The following DYNC1I1 variants were observed in gnomAD, a reference collection of about 807,000 sequenced individuals.
DYNC1I1 encodes dynein cytoplasmic 1 intermediate chain 1.
Under a neutral mutation model 86.6 loss-of-function variants are expected in DYNC1I1, and 43 were observed. The ratio of observed to expected loss-of-function variants is 0.50; its 90% CI spans 0.39 to 0.64. The LOEUF is 0.64. Among genes scored for constraint, DYNC1I1 ranks in the 30% least tolerant of loss-of-function variants. DYNC1I1 has a pLI of 0.00. For synonymous variants in DYNC1I1, 262 were observed against 283.7 expected, an observed-to-expected ratio of 0.92 and a Z score of 0.77; for missense variants, 604 against 788.8, an observed-to-expected ratio of 0.77 and a Z score of 2.81.
Position 95,777,842 on chromosome 7 carries a change from A to AT in DYNC1I1, c.-10+5078dup, listed in dbSNP as rs201410447. ...TGCTTTAACTCAGTGCTCTTCCAAC[A>AT]TTTTTTTTTCTCTTTTATAATCCCT... On this transcript the variant is annotated intron_variant, in intron 1 of 16. Coordinates refer to ENST00000447467, the MANE Select transcript of DYNC1I1 (RefSeq NM_001135556.2). Among the ~76,000 whole-genome samples the AT allele has an allele frequency of 2.1e-3, 312 of 151,436 alleles. 8 individuals are homozygous for AT. In the East Asian group the frequency reaches 0.05, roughly 24 times the overall value.
intron 7 of DYNC1I1, among the ~76,000 whole-genome samples, chr7:95,984,487 G>T (rs949877262): frequency 5.3e-5 from 8 of 151,780 alleles, no homozygotes; most frequent in African/African-American, 1.9e-4. Context: ...TATCTATTAT[G>T]CCATATTTAA....
At chr7:95,960,518 C>A (rs201770868) in intron 6 of DYNC1I1, among the ~76,000 whole-genome samples, 1 of 152,206 alleles carries the variant, frequency 6.6e-6, no homozygotes, top group East Asian at 1.9e-4. Flanking sequence ...GCCAGAAAGA[C>A]CCACCAGCCT....
intron 14 of DYNC1I1, among the ~76,000 whole-genome samples, chr7:96,062,558 A>G (rs1304685514): frequency 6.6e-6 from 1 of 152,142 alleles, no homozygotes; most frequent in Non-Finnish European, 1.5e-5. Context: ...GCAATCAGAC[A>G]TATTCTTCTG....
At chr7:95,883,166 G>A (rs754865112) in intron 6 of DYNC1I1, among the ~76,000 whole-genome samples, 39 of 152,120 alleles carry the variant, frequency 2.6e-4, no homozygotes, top group Non-Finnish European at 5.4e-4. Flanking sequence ...CATGGTTTGA[G>A]GCTGGTAACA....
intron 1 of DYNC1I1, among the ~76,000 whole-genome samples, chr7:95,783,391 G>A (rs1271963255): frequency 6.6e-6 from 1 of 152,222 alleles, no homozygotes; most frequent in Non-Finnish European, 1.5e-5. Context: ...TGCCAGCCAT[G>A]AGTGAGACTG....
intron 5 of DYNC1I1, among the ~76,000 whole-genome samples, chr7:95,840,574 A>G (rs1183033950): frequency 6.6e-6 from 1 of 152,054 alleles, no homozygotes; most frequent in African/African-American, 2.4e-5. Context: ...GTTTCTGAAG[A>G]TTTATCTTGT....
At chr7:95,849,090 A>G (rs992059917) in intron 5 of DYNC1I1, among the ~76,000 whole-genome samples, 2 of 151,462 alleles carry the variant, frequency 1.3e-5, no homozygotes, top group Non-Finnish European at 3.0e-5. Context: ...TTTTCTTGCT[A>G]TTAAATTGAG....
At chr7:96,019,905 A>T (rs980244955) in intron 10 of DYNC1I1, among the ~76,000 whole-genome samples, 1 of 152,090 alleles carries the variant, frequency 6.6e-6, no homozygotes, top group African/African-American at 2.4e-5. Context: ...CTAATTCTAT[A>T]TGGGAATATA....
intron 6 of DYNC1I1, among the ~76,000 whole-genome samples, chr7:95,888,565 G>A (rs1215001924): frequency 2.0e-5 from 3 of 152,228 alleles, no homozygotes; most frequent in East Asian, 3.9e-4. Flanking sequence ...ACAGAGAAAA[G>A]TGCTCATATG....
At chr7:95,833,242 C>T (rs1251428818) in intron 5 of DYNC1I1, among the ~76,000 whole-genome samples, 1 of 139,928 alleles carries the variant, frequency 7.1e-6, no homozygotes, top group African/African-American at 2.7e-5. Flanking sequence ...TTCCCCATTG[C>T]TTGTTTTTCT....
intron 9 of DYNC1I1, among the ~76,000 whole-genome samples, chr7:95,995,030 G>C (rs955169759): frequency 6.6e-6 from 1 of 152,000 alleles, no homozygotes; most frequent in African/African-American, 2.4e-5. Flanking sequence ...GGTGGATCAC[G>C]AGGTCAGGAG....
intron 6 of DYNC1I1, among the ~76,000 whole-genome samples, chr7:95,916,819 G>T (rs1266867667): frequency 1.3e-5 from 2 of 152,178 alleles, no homozygotes; most frequent in African/African-American, 2.4e-5. Context: ...CCTGATTTCA[G>T]CACTTTCAAA....
intron 10 of DYNC1I1, among the ~76,000 whole-genome samples, chr7:96,022,726 G>A (rs1584257368): frequency 6.6e-6 from 1 of 151,956 alleles, no homozygotes; most frequent in South Asian, 2.1e-4. Flanking sequence ...TTACCTCGGT[G>A]TGGTTGCATG....
At chr7:95,914,918 C>T (rs1791429032) in intron 6 of DYNC1I1, among the ~76,000 whole-genome samples, 1 of 152,120 alleles carries the variant, frequency 6.6e-6, no homozygotes, top group Admixed American at 6.5e-5. Flanking sequence ...TCATGTACTT[C>T]TCTTAAATGG....
intron 7 of DYNC1I1, among the ~76,000 whole-genome samples, chr7:95,981,658 T>C (rs748607279): frequency 4.6e-5 from 7 of 152,134 alleles, no homozygotes; most frequent in Non-Finnish European, 8.8e-5. Flanking sequence ...GCTCTTTAAA[T>C]GCACAAAGTA....
chr7:95,882,067 A>G (rs779772733), intron 6 of DYNC1I1, among the ~76,000 whole-genome samples: 3 of 151,610 alleles, frequency 2.0e-5, no homozygotes, highest in Non-Finnish European at 4.4e-5. Flanking sequence ...TTCCTTTCCT[A>G]TTTCCTTCAG....
chr7:95,832,016 G>A (rs1311474047), intron 5 of DYNC1I1, among the ~76,000 whole-genome samples: 2 of 149,850 alleles, frequency 1.3e-5, no homozygotes, highest in Non-Finnish European at 3.0e-5. Context: ...TGTGCACATT[G>A]TGCAGGTTAG....
intron 6 of DYNC1I1, among the ~76,000 whole-genome samples, chr7:95,900,571 T>C (rs1791010778): frequency 6.6e-6 from 1 of 152,148 alleles, no homozygotes. Flanking sequence ...TGGAAATCCA[T>C]GTGGAAAATG....
chr7:95,941,649 G>T (rs779146782), intron 6 of DYNC1I1, among the ~76,000 whole-genome samples: 1 of 152,174 alleles, frequency 6.6e-6, no homozygotes. Context: ...TTTTAAGCCC[G>T]TTGGAAAAGC....
Sources: gnomAD v4.1 joint callset for allele counts (sites outside exome capture counted in the v4.1 genomes callset) on GRCh38, gnomAD v4.1.1 for gene constraint, MANE v1.5 for transcripts, NCBI Gene and HGNC (gene_info 2026-07-23, HGNC 2026-07-21) for gene names.